CNTFR: variants seen among roughly 807,000 people sequenced by gnomAD.
CNTFR encodes ciliary neurotrophic factor receptor, also known as ciliary neurotrophic factor receptor subunit alpha.
CNTFR carries 12 observed loss-of-function variants against 40.4 expected under a neutral mutation model. The observed-to-expected ratio is 0.30, with a 90% CI of 0.19 to 0.48. The LOEUF is 0.48. Ranked by LOEUF, CNTFR falls within the 20% of genes least tolerant of loss-of-function variation. CNTFR has a pLI of 0.99. For synonymous variants in CNTFR, 202 were observed against 209.6 expected, an observed-to-expected ratio of 0.96 and a Z score of 0.31; for missense variants, 414 against 506.8, an observed-to-expected ratio of 0.82 and a Z score of 1.76.
At chr9:34,559,814 C>T (rs1463570062) in intron 4 of CNTFR, among the ~76,000 whole-genome samples, 1 of 152,168 alleles carries the variant, frequency 6.6e-6, no homozygotes, top group African/African-American at 2.4e-5. Flanking sequence ...CCCCGGACTC[C>T]TCGGAGGGCA....
Position 34,552,207 on chromosome 9 carries a change from G to C in CNTFR, c.1072C>G (p.Leu358Val), listed in dbSNP as rs1191181475. The C allele has an allele frequency of 6.3e-7, 1 of 1,583,026 alleles. No homozygotes were observed. Among genetic ancestry groups the C allele is most frequent in the African/African-American group, 1.3e-5 (1 of 74,576 alleles). ...APFLVSVPIT[L>V]ALAAAAATAS... is the part of the protein sequence containing the mutation. ...GTGGCGGCAGCGGCAGCCAGGGCCA[G>C]AGTGATGGGGACGCTGACCAAGAAG... Residue 358 changes from leucine (L) to valine (V), a missense_variant, in exon 9 of 10, where the codon CTG (leucine) becomes GTG (valine). Transcript: ENST00000378980. The surrounding 1 kb of genome is among the most constrained non-coding windows in gnomAD (Gnocchi z 5.1).
chr9:34,578,052 G>A (rs1402321298), intron 2 of CNTFR, among the ~76,000 whole-genome samples: 1 of 151,722 alleles, frequency 6.6e-6, no homozygotes, highest in African/African-American at 2.4e-5. Flanking sequence ...TGCCTCCGGC[G>A]CTCCGTGGGT....
intron 2 of CNTFR, chr9:34,569,576 G>A (rs1826485214): frequency 6.5e-6 from 1 of 153,476 alleles, no homozygotes; most frequent in African/African-American, 2.4e-5. Flanking sequence ...TGGATGCTCG[G>A]GAGCCCCTCA....
At chr9:34,554,497 G>A (rs1169390717) in intron 7 of CNTFR, among the ~76,000 whole-genome samples, 1 of 152,130 alleles carries the variant, frequency 6.6e-6, no homozygotes, top group African/African-American at 2.4e-5. Flanking sequence ...CCTCTCAAGA[G>A]AAAGGCTTCT....
chr9:34,557,950 G>T lies in CNTFR; in HGVS notation c.354C>A (p.Ser118=). The T allele has an allele frequency of 6.4e-7, 1 of 1,563,490 alleles. No homozygotes were observed. Among genetic ancestry groups the T allele is most frequent in the Non-Finnish European group, 8.7e-7 (1 of 1,155,164 alleles). ...AGTAGAAGCCCTTGGGGTAAGTGTT[G>T]GAGCGGCAGCTGAGCACAGGCTCCC... ...PPREPVLSCR[S]NTYPKGFYCS... is the part of the protein sequence containing the mutation. Residue 118 remains serine (S), a synonymous_variant, in exon 5 of 10, where the codon TCC becomes TCA. Transcript: ENST00000378980. The surrounding 1 kb of genome is among the most constrained non-coding windows in gnomAD (Gnocchi z 4.2).
chr9:34,583,396 C>T (rs1362892574), intron 1 of CNTFR, among the ~76,000 whole-genome samples: 4 of 152,334 alleles, frequency 2.6e-5, no homozygotes, highest in Middle Eastern at 6.8e-3. Flanking sequence ...CACTCTTTAT[C>T]GCTAGCTGGC....
rs1425726388 is a variant in CNTFR at position 34,555,949 on chromosome 9, C to G, written c.768+306G>C. On this transcript the variant is annotated intron_variant, in intron 7 of 9. Transcript: ENST00000378980. ...CTCCCTCCCCCGCCATCTCCCTCCC[C>G]CACCATCTCCCTCCCCCGCCATCTC... Among the ~76,000 whole-genome samples the G allele has an allele frequency of 1.5e-5, 2 of 135,256 alleles. 1 individual carries two copies. The highest frequency in any genetic ancestry group is 5.3e-4 in the South Asian group (2 of 3,790). The allele number at this position is 135,256 out of a possible 152,430, so 88.7% of individuals were successfully genotyped here. A position where few individuals can be genotyped will look rare whatever the true frequency, so the allele number is the denominator to read the frequency against.
Position 34,552,082 on chromosome 9 carries a change from A to G in CNTFR, c.*-11T>C. The G allele has an allele frequency of 6.4e-7, 1 of 1,562,738 alleles. No individual in the cohort carries two copies. Among genetic ancestry groups the G allele is most frequent in the South Asian group, 1.1e-5 (1 of 88,296 alleles). On this transcript the variant is annotated splice_polypyrimidine_tract_variant and intron_variant, in intron 9 of 9. Transcript: ENST00000378980. The surrounding 1 kb of genome is among the most constrained non-coding windows in gnomAD (Gnocchi z 5.1). Reference sequence around the variant, plus strand: ...ATGGGGTGCCGGGCTCTGTAGAGACAGGCAGGGGCCTGTCAGGGAGGGGGC... The same window carrying G: ...ATGGGGTGCCGGGCTCTGTAGAGACGGGCAGGGGCCTGTCAGGGAGGGGGC...
Position 34,552,844 on chromosome 9 carries a change from G to A in CNTFR, c.779C>T (p.Ser260Phe). The change falls in exon 8 of 10, where the codon TCC becomes TTC. Residue 260 changes from serine (S) to phenylalanine (F), a missense_variant. Transcript: ENST00000378980. The surrounding 1 kb of genome is among the most constrained non-coding windows in gnomAD (Gnocchi z 5.1). ...TGTGATGGTGTGTGCTGTGCCGTCGGACAGCTCCACCTGCAGCCAGACCAT... is the reference window on the plus strand; with the variant it reads ...TGTGATGGTGTGTGCTGTGCCGTCGAACAGCTCCACCTGCAGCCAGACCAT... ...ILDQWQHVEL[S>F]DGTAHTITDA... 1 of 1,611,548 alleles carries A rather than the reference G, an allele frequency of 6.2e-7. No individual in the cohort carries two copies. Among genetic ancestry groups the A allele is most frequent in the South Asian group, 1.1e-5 (1 of 90,992 alleles).
At chr9:34,578,659 G>A (rs1266843276) in intron 2 of CNTFR, among the ~76,000 whole-genome samples, 1 of 152,222 alleles carries the variant, frequency 6.6e-6, no homozygotes, top group Non-Finnish European at 1.5e-5. Context: ...TTAGGGCACG[G>A]GAGGCTCCCA....
chr9:34,564,581 G>T lies in CNTFR; in HGVS notation c.319+18C>A, dbSNP rs1201933182. Reference sequence around the variant, plus strand: ...AAGGAAGGAGGGAGGCTGGATGAGGGGTGGGGGCAACACTTACAGCCCACA... The same window carrying T: ...AAGGAAGGAGGGAGGCTGGATGAGGTGTGGGGGCAACACTTACAGCCCACA... On this transcript the variant is annotated intron_variant, in intron 4 of 9. Transcript: ENST00000378980. The T allele has an allele frequency of 6.3e-7, 1 of 1,590,070 alleles. No individual in the cohort carries two copies. Among genetic ancestry groups the T allele is most frequent in the Non-Finnish European group, 8.6e-7 (1 of 1,166,362 alleles).
intron 7 of CNTFR, among the ~76,000 whole-genome samples, chr9:34,553,420 G>C (rs1825714466): frequency 6.6e-6 from 1 of 152,160 alleles, no homozygotes; most frequent in East Asian, 1.9e-4. Flanking sequence ...GCATTCATGA[G>C]AGTATCCACC....
At chr9:34,586,378 G>A (rs1827546703) in intron 1 of CNTFR, among the ~76,000 whole-genome samples, 1 of 152,112 alleles carries the variant, frequency 6.6e-6, no homozygotes, top group Non-Finnish European at 1.5e-5. Context: ...GTGGGATCCC[G>A]TCTCCTCCTC....
chr9:34,579,060 A>AGCACAC (rs968670004), intron 2 of CNTFR, among the ~76,000 whole-genome samples: 19 of 152,176 alleles, frequency 1.2e-4, no homozygotes, highest in African/African-American at 4.6e-4. Context: ...CATATACATG[A>AGCACAC]GCACACGCAC....
Position 34,557,521 on chromosome 9 carries a change from C to T in CNTFR, c.604+5G>A, listed in dbSNP as rs1306458239. ...GCAGCAGGTCCCCCCAACCGCCACA[C>T]GTACCAATGGTGAACTCGTCAAAGG... On this transcript the variant is annotated splice_donor_5th_base_variant and intron_variant, in intron 6 of 9. Coordinates refer to ENST00000378980, the MANE Select transcript of CNTFR (RefSeq NM_147164.3). The surrounding 1 kb of genome is among the most constrained non-coding windows in gnomAD (Gnocchi z 4.2). The T allele has an allele frequency of 6.8e-6, 11 of 1,611,122 alleles. No homozygotes were observed. Among genetic ancestry groups the T allele is most frequent in the Non-Finnish European group, 9.3e-6 (11 of 1,177,392 alleles).
chr9:34,552,906 G>A lies in CNTFR; in HGVS notation c.769-52C>T. The A allele has an allele frequency of 1.3e-6, 2 of 1,578,580 alleles. No homozygotes were observed. Among genetic ancestry groups the A allele is most frequent in the South Asian group, 1.1e-5 (1 of 89,220 alleles). ...AAGGACACACCTGGGGGCCAGGAGG[G>A]TGAGGTCCCTCCAGAGGAAGTGAGC... On this transcript the variant is annotated intron_variant, in intron 7 of 9. Coordinates refer to ENST00000378980, the MANE Select transcript of CNTFR (RefSeq NM_147164.3). This position sits in a 1 kb window ranked among gnomAD's most constrained non-coding sequence, Gnocchi z 5.1.
intron 4 of CNTFR, among the ~76,000 whole-genome samples, chr9:34,563,242 C>A (rs1056807138): frequency 6.6e-6 from 1 of 152,264 alleles, no homozygotes; most frequent in Non-Finnish European, 1.5e-5. Context: ...CTCCCAAATT[C>A]TGCAGTTATT....
At chr9:34,556,012 G>A (rs1048796370) in intron 7 of CNTFR, among the ~76,000 whole-genome samples, 4 of 139,086 alleles carry the variant, frequency 2.9e-5, no homozygotes, top group African/African-American at 1.1e-4. Context: ...TTCTCTCCAC[G>A]ACCCCAGGGA....
At chr9:34,558,578 T>C (rs901800815) in intron 4 of CNTFR, among the ~76,000 whole-genome samples, 2 of 152,168 alleles carry the variant, frequency 1.3e-5, no homozygotes, top group Non-Finnish European at 1.5e-5. Flanking sequence ...TGTCTCTATG[T>C]GACATGAATG....
Sources: gnomAD v4.1 joint callset for allele counts (sites outside exome capture counted in the v4.1 genomes callset) on GRCh38, gnomAD v4.1.1 for gene constraint, Gnocchi (gnomAD v3.1) non-coding constraint, MANE v1.5 for transcripts, NCBI Gene and HGNC (gene_info 2026-07-23, HGNC 2026-07-21) for gene names.